XYLT1: variants seen among roughly 807,000 people sequenced by gnomAD.
The protein encoded by XYLT1 is xylosyltransferase 1, also known as beta-D-xylosyltransferase 1.
A neutral mutation model predicts 91.3 loss-of-function variants in XYLT1; 36 were observed. The observed-to-expected ratio is 0.39, with a 90% confidence interval of 0.30 to 0.52. XYLT1 has a LOEUF of 0.52. Ranked by LOEUF, XYLT1 falls within the 20% of genes least tolerant of loss-of-function variation. The probability of loss-of-function intolerance (pLI) is 0.68; values close to 1 mark genes in which losing one functional copy is unlikely to be tolerated. For synonymous variants in XYLT1, 588 were observed against 532.0 expected (o/e 1.11, Z -1.45); for missense variants, 1,242 against 1,284.5 (o/e 0.97, Z 0.51).
intron 1 of XYLT1, among the ~76,000 whole-genome samples, chr16:17,453,185 T>C (rs2036690034): frequency 6.6e-6 from 1 of 152,180 alleles, no homozygotes; most frequent in Non-Finnish European, 1.5e-5. Flanking sequence ...CTGCACTAAA[T>C]TCAAATTTCA....
intron 2 of XYLT1, among the ~76,000 whole-genome samples, chr16:17,278,274 C>T (rs947372089): frequency 2.0e-5 from 3 of 152,024 alleles, no homozygotes; most frequent in African/African-American, 2.4e-5. Context: ...CCCGGTGGAC[C>T]GCAGTTGTTC....
intron 2 of XYLT1, among the ~76,000 whole-genome samples, chr16:17,353,971 G>A (rs777968476): frequency 6.6e-6 from 1 of 152,180 alleles, no homozygotes; most frequent in Non-Finnish European, 1.5e-5. Flanking sequence ...TGGAAATCGG[G>A]TATCACACAA....
chr16:17,285,876 G>C (rs994618615), intron 2 of XYLT1, among the ~76,000 whole-genome samples: 6 of 22,030 alleles, frequency 2.7e-4, no homozygotes, highest in Non-Finnish European at 5.5e-4. Flanking sequence ...GTGTATCTCT[G>C]TGTGTGTGTG....
At chr16:17,358,377 T>C (rs1596501356) in intron 1 of XYLT1, among the ~76,000 whole-genome samples, 1 of 152,096 alleles carries the variant, frequency 6.6e-6, no homozygotes, top group East Asian at 1.9e-4. Flanking sequence ...GCCTCAATGA[T>C]CCTCCCACTT....
chr16:17,192,589 T>A (rs1346674999), intron 5 of XYLT1, among the ~76,000 whole-genome samples: 2 of 152,126 alleles, frequency 1.3e-5, no homozygotes, highest in Non-Finnish European at 2.9e-5. Context: ...AAAGTATCCA[T>A]TTTCCACTTT....
At position 17,160,245 on chromosome 16, in the gene XYLT1, T is replaced by A. The variant is rs1393693426; in HGVS notation, c.1290-1336A>T. Among the ~76,000 whole-genome samples the A allele has an allele frequency of 2.0e-5, 3 of 152,254 alleles. No homozygotes were observed. The East Asian group carries it at 5.8e-4, about 29-fold the overall frequency. ...ACATGCCCAGCACCTAGTAGGCCCATCATGCATATATACTGAATGGACAAC... is the reference window on the plus strand; with the variant it reads ...ACATGCCCAGCACCTAGTAGGCCCAACATGCATATATACTGAATGGACAAC... On this transcript the variant is annotated intron_variant, in intron 5 of 11. Coordinates refer to ENST00000261381, the MANE Select transcript of XYLT1 (RefSeq NM_022166.4).
intron 5 of XYLT1, among the ~76,000 whole-genome samples, chr16:17,159,496 C>A (rs60156346): frequency 0.019 from 2,929 of 152,226 alleles, 97 homozygotes; most frequent in African/African-American, 0.067. Flanking sequence ...GTAAGTTCCA[C>A]GAGGACAGAG....
At chr16:17,465,020 T>C (rs62030330) in intron 1 of XYLT1, among the ~76,000 whole-genome samples, 24,346 of 151,336 alleles carry the variant, frequency 0.16, 2,485 homozygotes, top group Non-Finnish European at 0.22. Flanking sequence ...GGTGCACGCC[T>C]GTAATCCCAG....
At chr16:17,111,109 G>A (rs953305618) in intron 11 of XYLT1, among the ~76,000 whole-genome samples, 3 of 151,256 alleles carry the variant, frequency 2.0e-5, no homozygotes, top group East Asian at 1.9e-4. Context: ...TCATTGAGCC[G>A]AGATCACACC....
chr16:17,204,687 C>T (rs2141593195), intron 3 of XYLT1, among the ~76,000 whole-genome samples: 1 of 152,252 alleles, frequency 6.6e-6, no homozygotes, highest in East Asian at 1.9e-4. Context: ...GAGCTATTAT[C>T]TTTCTATTGT....
chr16:17,263,666 C>A (rs1250304601), intron 2 of XYLT1, among the ~76,000 whole-genome samples: 3 of 151,832 alleles, frequency 2.0e-5, no homozygotes, highest in Non-Finnish European at 2.9e-5. Context: ...TCTATAGTGA[C>A]TGCGGCGTTC....
chr16:17,178,876 C>T (rs897796144), intron 5 of XYLT1, among the ~76,000 whole-genome samples: 10 of 152,036 alleles, frequency 6.6e-5, no homozygotes, highest in African/African-American at 2.4e-4. Context: ...TTGAGACTAG[C>T]CTGGGCAACA....
chr16:17,379,467 C>T (rs1011304848), intron 1 of XYLT1, among the ~76,000 whole-genome samples: 8 of 152,186 alleles, frequency 5.3e-5, no homozygotes, highest in Admixed American at 6.5e-5. Flanking sequence ...TTTCAGCAAA[C>T]TGGAATGGCA....
At chr16:17,308,901 C>G (rs1567367454) in intron 2 of XYLT1, among the ~76,000 whole-genome samples, 1 of 152,056 alleles carries the variant, frequency 6.6e-6, no homozygotes, top group East Asian at 1.9e-4. Flanking sequence ...AGCGCAGTGT[C>G]TGGCGCAAAA....
intron 5 of XYLT1, among the ~76,000 whole-genome samples, chr16:17,187,491 T>C (rs1166767880): frequency 3.8e-5 from 5 of 133,168 alleles, no homozygotes; most frequent in African/African-American, 1.2e-4. Flanking sequence ...CACTTGAACC[T>C]GGGAGGCAAA....
chr16:17,206,943 TATTTCTGGAA>T (rs1486133112), intron 3 of XYLT1, among the ~76,000 whole-genome samples: 1 of 152,136 alleles, frequency 6.6e-6, no homozygotes, highest in African/African-American at 2.4e-5. Context: ...AATTTCTGGA[TATTTCTGGAA>T]ATTTCTGAAT....
intron 10 of XYLT1, among the ~76,000 whole-genome samples, chr16:17,124,559 AGATAACTT>A (rs1347394560): frequency 1.3e-5 from 2 of 152,178 alleles, no homozygotes; most frequent in East Asian, 3.9e-4. Flanking sequence ...TCTTGACTTT[AGATAACTT>A]GATGACTATG....
intron 6 of XYLT1, among the ~76,000 whole-genome samples, chr16:17,153,326 C>T (rs934769704): frequency 1.3e-5 from 2 of 152,154 alleles, no homozygotes; most frequent in African/African-American, 2.4e-5. Flanking sequence ...AGAGTTGGCC[C>T]GTGAATCTTG....
chr16:17,445,582 C>T (rs555737170), intron 1 of XYLT1, among the ~76,000 whole-genome samples: 9 of 152,314 alleles, frequency 5.9e-5, no homozygotes, highest in East Asian at 5.8e-4. Context: ...CTCTTTTGAG[C>T]GACTCTCACT....
Sources: gnomAD v4.1 joint callset for allele counts (sites outside exome capture counted in the v4.1 genomes callset) on GRCh38, gnomAD v4.1.1 for gene constraint, MANE v1.5 for transcripts, NCBI Gene and HGNC (gene_info 2026-07-23, HGNC 2026-07-21) for gene names.